The following LDLRAD4 variants were observed in gnomAD, a reference collection of about 807,000 sequenced individuals.
LDLRAD4 encodes low density lipoprotein receptor class A domain containing 4.
LDLRAD4 carries 5 observed loss-of-function variants against 17.0 expected under a neutral mutation model. The ratio of observed to expected loss-of-function variants is 0.29; its 90% CI spans 0.15 to 0.62. LDLRAD4 has a LOEUF of 0.62. Ranked by LOEUF, LDLRAD4 falls within the 20% of genes least tolerant of loss-of-function variation. LDLRAD4 has a pLI of 0.84. For synonymous variants in LDLRAD4, 168 were observed against 171.8 expected (o/e 0.98, Z 0.17); for missense variants, 340 against 424.7 (o/e 0.80, Z 1.75).
intron 3 of LDLRAD4, among the ~76,000 whole-genome samples, chr18:13,439,509 T>C (rs1392569785): frequency 6.6e-6 from 1 of 152,260 alleles, no homozygotes; most frequent in Admixed American, 6.5e-5. Context: ...GTCCCATCTC[T>C]ATACTTTGCA....
rs528788724 is a variant in LDLRAD4 at position 13,564,412 on chromosome 18, C to T, written c.182-56705C>T. 5.4e-5 allele frequency among the ~76,000 whole-genome samples: 8 copies of T among 148,966 alleles called. No individual in the cohort carries two copies. The East Asian group carries it at 1.2e-3, about 22-fold the overall frequency. On this transcript the variant is annotated intron_variant, in intron 3 of 5. Coordinates refer to ENST00000359446, the Ensembl canonical transcript of LDLRAD4. ...GCGCGTATACTGAAGCCATCCCCAG[C>T]GCTCGCCTTTGCCAGGTGGCCAGGC... is the stretch of plus-strand genomic sequence containing the variant.
intron 3 of LDLRAD4, among the ~76,000 whole-genome samples, chr18:13,497,430 C>T (rs905462582): frequency 3.9e-5 from 6 of 151,998 alleles, no homozygotes; most frequent in Non-Finnish European, 5.9e-5. Context: ...CCTCCTGCCT[C>T]GGCCTCCCAA....
At chr18:13,382,131 GA>G (rs922723729) in intron 1 of LDLRAD4, among the ~76,000 whole-genome samples, 6 of 152,228 alleles carry the variant, frequency 3.9e-5, no homozygotes, top group Non-Finnish European at 8.8e-5. Context: ...AATAAAAAAT[GA>G]AACTGCAGCG....
intron 3 of LDLRAD4, among the ~76,000 whole-genome samples, chr18:13,616,802 C>A (rs1415721877): frequency 1.3e-5 from 2 of 152,212 alleles, no homozygotes; most frequent in African/African-American, 4.8e-5. Flanking sequence ...CCAGGGCACC[C>A]CACGGGGCCA....
chr18:13,547,706 G>A (rs1245059992), intron 3 of LDLRAD4, among the ~76,000 whole-genome samples: 3 of 152,194 alleles, frequency 2.0e-5, no homozygotes, highest in Admixed American at 6.5e-5. Context: ...TGTGGACACC[G>A]GGGAAGATGG....
chr18:13,577,496 T>C (rs1015900501), intron 3 of LDLRAD4, among the ~76,000 whole-genome samples: 1 of 152,058 alleles, frequency 6.6e-6, no homozygotes, highest in Non-Finnish European at 1.5e-5. Context: ...ACTCAGTCTA[T>C]TGTAATTAGA....
chr18:13,224,526 C>T (rs1425929985), intron 1 of LDLRAD4, among the ~76,000 whole-genome samples: 1 of 124,168 alleles, frequency 8.1e-6, no homozygotes, highest in Non-Finnish European at 1.6e-5. Context: ...GTCGCCCAGG[C>T]TGGAGTTCAG....
chr18:13,225,035 C>T (rs946311998), intron 1 of LDLRAD4, among the ~76,000 whole-genome samples: 1 of 151,704 alleles, frequency 6.6e-6, no homozygotes, highest in Admixed American at 6.6e-5. Flanking sequence ...GGGGTTTCGT[C>T]ATGTTGGCCA....
intron 1 of LDLRAD4, among the ~76,000 whole-genome samples, chr18:13,242,607 AT>A (rs973935449): frequency 1.3e-5 from 2 of 151,824 alleles, no homozygotes; most frequent in Non-Finnish European, 2.9e-5. Flanking sequence ...CAAATGTGGT[AT>A]TTTTTTTGCA....
chr18:13,383,160 T>C (rs1033817336), intron 1 of LDLRAD4, among the ~76,000 whole-genome samples: 1 of 152,210 alleles, frequency 6.6e-6, no homozygotes, highest in Non-Finnish European at 1.5e-5. Flanking sequence ...TGTGTAGGTG[T>C]TTGCTGAGCC....
chr18:13,373,162 T>TGG (rs2084648048), intron 1 of LDLRAD4, among the ~76,000 whole-genome samples: 1 of 151,572 alleles, frequency 6.6e-6, no homozygotes, highest in Admixed American at 6.6e-5. Context: ...TTAATGTGTG[T>TGG]GTGTGTGTGT....
intron 2 of LDLRAD4, among the ~76,000 whole-genome samples, chr18:13,397,822 T>G (rs2086823927): frequency 6.6e-6 from 1 of 152,226 alleles, no homozygotes; most frequent in African/African-American, 2.4e-5. Flanking sequence ...TTTTTTTCTT[T>G]TGTGATAAAA....
chr18:13,635,010 G>A (rs2041963222), intron 4 of LDLRAD4, among the ~76,000 whole-genome samples: 1 of 152,150 alleles, frequency 6.6e-6, no homozygotes, highest in African/African-American at 2.4e-5. Flanking sequence ...GTGGTGATGG[G>A]GGATCTGGAT....
chr18:13,418,263 T>TG (rs1164367401), intron 2 of LDLRAD4, among the ~76,000 whole-genome samples: 2 of 152,202 alleles, frequency 1.3e-5, no homozygotes, highest in African/African-American at 4.8e-5. Flanking sequence ...GGCTCTACAC[T>TG]GCCACCCCTT....
In LDLRAD4 at chr18:13,646,825, G is replaced by A. The variant is rs530140503; in HGVS notation, c.*1168G>A. On this transcript the variant is annotated 3_prime_UTR_variant, in exon 6 of 6. Coordinates refer to ENST00000359446, the Ensembl canonical transcript of LDLRAD4. The stretch of plus-strand genomic sequence containing the variant: ...TTCCTCGACAGCTTAGTTCAGTTCT[G>A]CAGGGCTGCTCAGTTCACAGGAGGC... 3 of 152,632 alleles carry A rather than the reference G, an allele frequency of 2.0e-5. No individual in the cohort carries two copies. The South Asian group carries it at 6.2e-4, about 32-fold the overall frequency. The allele number at this position is 152,632 out of a possible 1,614,324, so 9.5% of individuals were successfully genotyped here.
intron 1 of LDLRAD4, among the ~76,000 whole-genome samples, chr18:13,290,030 G>T (rs1238424698): frequency 1.3e-5 from 2 of 152,102 alleles, no homozygotes; most frequent in Non-Finnish European, 2.9e-5. Flanking sequence ...GACGTGGTGG[G>T]CTCAGTAACT....
chr18:13,220,650 C>T (rs979542297), intron 1 of LDLRAD4, among the ~76,000 whole-genome samples: 1 of 152,314 alleles, frequency 6.6e-6, no homozygotes, highest in African/African-American at 2.4e-5. Context: ...TTGCCTGGCA[C>T]GCGGAGAGCA....
chr18:13,577,288 A>G (rs1035969085), intron 3 of LDLRAD4, among the ~76,000 whole-genome samples: 9 of 152,186 alleles, frequency 5.9e-5, no homozygotes, highest in African/African-American at 1.9e-4. Context: ...GGGTTGTGTA[A>G]TGGACAACAA....
chr18:13,272,832 T>A (rs960006188), intron 1 of LDLRAD4, among the ~76,000 whole-genome samples: 10 of 152,198 alleles, frequency 6.6e-5, no homozygotes, highest in African/African-American at 2.4e-4. Context: ...CCGCTAGCTC[T>A]TCACTGAGGC....
Sources: gnomAD v4.1 joint callset for allele counts (sites outside exome capture counted in the v4.1 genomes callset) on GRCh38, gnomAD v4.1.1 for gene constraint, MANE v1.5 for transcripts, NCBI Gene and HGNC (gene_info 2026-07-23, HGNC 2026-07-21) for gene names.